Variants in SNX29 observed in about 807,000 individuals in gnomAD.
The protein encoded by SNX29 is sorting nexin 29.
Under a neutral mutation model 102.1 loss-of-function variants are expected in SNX29, and 78 were observed. That is an observed-to-expected ratio of 0.76 (90% CI 0.64 to 0.92). The LOEUF is 0.92. SNX29 is among the 40% of genes least tolerant of loss of function. The pLI is 0.00. For synonymous variants in SNX29, 580 were observed against 414.5 expected (o/e 1.40, Z -4.85); for missense variants, 1,280 against 1,061.7 (o/e 1.21, Z -2.86).
intron 18 of SNX29, among the ~76,000 whole-genome samples, chr16:12,433,679 G>A (rs1354565147): frequency 6.6e-6 from 1 of 150,888 alleles, no homozygotes; most frequent in African/African-American, 2.4e-5. Context: ...GGTGGGCGTG[G>A]TGGGCATGGT....
intron 20 of SNX29, among the ~76,000 whole-genome samples, chr16:12,547,803 G>C (rs1232180598): frequency 6.6e-6 from 1 of 152,186 alleles, no homozygotes; most frequent in Non-Finnish European, 1.5e-5. Flanking sequence ...ATGGGCTCAA[G>C]AATGCTCTGC....
intron 3 of SNX29, among the ~76,000 whole-genome samples, chr16:12,014,259 C>A (rs2056774446): frequency 6.6e-6 from 1 of 152,040 alleles, no homozygotes; most frequent in African/African-American, 2.4e-5. Context: ...TTTCTCCATT[C>A]TCTTTTTCCG....
At chr16:12,470,672 A>G (rs1261696340) in intron 18 of SNX29, among the ~76,000 whole-genome samples, 1 of 152,190 alleles carries the variant, frequency 6.6e-6, no homozygotes, top group Non-Finnish European at 1.5e-5. Context: ...TGTCCAATCC[A>G]CAGAGCACGC....
In SNX29 at chr16:12,392,998, G is replaced by A. The variant is rs902584559; in HGVS notation, c.1900-5448G>A. 5.3e-5 allele frequency among the ~76,000 whole-genome samples: 8 copies of A among 152,322 alleles called. No individual in the cohort carries two copies. In the South Asian group the frequency reaches 1.2e-3, roughly 24 times the overall value. ...TTTCACATTCTGTTCCTTATTAAAAGATGAGATGAGAAAGCAAGCGCATTG... is the reference window on the plus strand; with the variant it reads ...TTTCACATTCTGTTCCTTATTAAAAAATGAGATGAGAAAGCAAGCGCATTG... On this transcript the variant is annotated intron_variant, in intron 16 of 20. Transcript: ENST00000566228.
intron 11 of SNX29, chr16:12,087,280 C>A: frequency 6.3e-6 from 1 of 158,612 alleles, no homozygotes; most frequent in Non-Finnish European, 1.4e-5. Context: ...TGCCTGTAAT[C>A]CCAGCTACTC....
intron 14 of SNX29, among the ~76,000 whole-genome samples, chr16:12,234,827 A>G (rs761685642): frequency 6.6e-6 from 1 of 152,138 alleles, no homozygotes; most frequent in Non-Finnish European, 1.5e-5. Context: ...CTGGCATCAT[A>G]GGCACTCAGA....
intron 8 of SNX29, among the ~76,000 whole-genome samples, chr16:12,056,162 A>C (rs966716260): frequency 1.3e-5 from 2 of 152,246 alleles, no homozygotes; most frequent in Admixed American, 1.3e-4. Context: ...GATTGCAGGC[A>C]TGAGCCTCTG....
chr16:12,273,069 A>G (rs2079138828), intron 14 of SNX29, among the ~76,000 whole-genome samples: 1 of 152,016 alleles, frequency 6.6e-6, no homozygotes, highest in African/African-American at 2.4e-5. Context: ...CGATCTCTTG[A>G]TTTCTCTGGT....
intron 20 of SNX29, among the ~76,000 whole-genome samples, chr16:12,553,955 G>A (rs956703973): frequency 6.6e-6 from 1 of 152,160 alleles, no homozygotes; most frequent in Non-Finnish European, 1.5e-5. Flanking sequence ...AGCCACCCAA[G>A]TAGCTGGGAC....
chr16:12,555,850 A>AC (rs1567191830), intron 20 of SNX29, among the ~76,000 whole-genome samples: 3 of 150,412 alleles, frequency 2.0e-5, no homozygotes, highest in African/African-American at 7.4e-5. Context: ...CCCCCTCACC[A>AC]CCTCCATCAT....
intron 20 of SNX29, among the ~76,000 whole-genome samples, chr16:12,560,109 C>G (rs558731175): frequency 1.3e-5 from 2 of 151,712 alleles, no homozygotes; most frequent in South Asian, 2.1e-4. Flanking sequence ...GATGAGTTGA[C>G]AAGCTATTCT....
At chr16:12,533,324 C>G (rs974525309) in intron 20 of SNX29, among the ~76,000 whole-genome samples, 1 of 152,178 alleles carries the variant, frequency 6.6e-6, no homozygotes, top group African/African-American at 2.4e-5. Context: ...TGGGCTGGTA[C>G]CTGTGGCCCT....
At chr16:12,148,722 C>T (rs767774987) in intron 13 of SNX29, among the ~76,000 whole-genome samples, 2 of 152,022 alleles carry the variant, frequency 1.3e-5, no homozygotes, top group African/African-American at 2.4e-5. Context: ...TCTGAGGTGG[C>T]ATCTCGCTCT....
At chr16:12,128,240 C>T (rs1291549879) in intron 12 of SNX29, among the ~76,000 whole-genome samples, 1 of 152,166 alleles carries the variant, frequency 6.6e-6, no homozygotes, top group Non-Finnish European at 1.5e-5. Flanking sequence ...TGGAAGAAGC[C>T]ATAGATTTTG....
intron 13 of SNX29, among the ~76,000 whole-genome samples, chr16:12,144,745 G>A (rs12599107): frequency 0.13 from 20,213 of 152,190 alleles, 1,651 homozygotes; most frequent in East Asian, 0.23. Flanking sequence ...TTTTTGAGAC[G>A]GAGTCTCGCT....
intron 3 of SNX29, among the ~76,000 whole-genome samples, chr16:12,025,852 T>A (rs910333852): frequency 6.6e-6 from 1 of 152,206 alleles, no homozygotes. Context: ...GGAAACTACA[T>A]TGGATCAGCT....
chr16:12,153,315 A>G (rs1168937420), intron 13 of SNX29, among the ~76,000 whole-genome samples: 1 of 152,092 alleles, frequency 6.6e-6, no homozygotes, highest in Non-Finnish European at 1.5e-5. Flanking sequence ...GGGTCATGAC[A>G]TCTTCCAAAA....
chr16:12,533,000 C>A (rs548860278), intron 20 of SNX29, among the ~76,000 whole-genome samples: 4 of 152,342 alleles, frequency 2.6e-5, no homozygotes, highest in African/African-American at 9.6e-5. Context: ...TCCCTGAGCC[C>A]CTCGTCTGTG....
At chr16:12,248,809 A>G (rs1156947747) in intron 14 of SNX29, among the ~76,000 whole-genome samples, 2 of 151,946 alleles carry the variant, frequency 1.3e-5, no homozygotes, top group Non-Finnish European at 2.9e-5. Flanking sequence ...TTTTAGCAGC[A>G]CATGATAGAA....
Sources: allele counts gnomAD v4.1 joint callset (sites outside exome capture counted in the v4.1 genomes callset), GRCh38; gene constraint gnomAD v4.1.1; transcripts MANE v1.5; gene names NCBI Gene and HGNC (gene_info 2026-07-23, HGNC 2026-07-21).